APMAP: variants seen among roughly 807,000 people sequenced by gnomAD.
APMAP encodes adipocyte plasma membrane-associated protein.
APMAP carries 33 observed loss-of-function variants against 43.6 expected under a neutral mutation model. The ratio of observed to expected loss-of-function variants is 0.76; its 90% CI spans 0.57 to 1.01. The LOEUF is 1.01. Ranked by LOEUF, APMAP falls within the 50% of genes least tolerant of loss-of-function variation. The pLI, the probability that APMAP is intolerant of heterozygous loss-of-function variation, is 0.00. For synonymous variants in APMAP, 224 were observed against 216.7 expected (o/e 1.03, Z -0.30); for missense variants, 498 against 540.7 (o/e 0.92, Z 0.78).
chr20:24,969,398 C>CTTT, intron 7 of APMAP, 128 bp downstream of exon 7: 1 of 1,413,090 alleles, frequency 7.1e-7, no homozygotes, highest in South Asian at 1.4e-5. Flanking sequence ...CTTGAATTTT[C>CTTT]TTTAACATGC....
chr20:24,976,537 C>G (rs1568814720), intron 3 of APMAP, among the ~76,000 whole-genome samples: 1 of 152,180 alleles, frequency 6.6e-6, no homozygotes, highest in Non-Finnish European at 1.5e-5. Context: ...ACACTGACAC[C>G]ACCAAATGCT....
intron 7 of APMAP, 85 bp from the exon 8 acceptor site, chr20:24,969,169 G>C: frequency 1.5e-6 from 2 of 1,306,502 alleles, no homozygotes; most frequent in Non-Finnish European, 2.1e-6. Context: ...ACTGGTCTTG[G>C]TCCAAATATA....
intron 2 of APMAP, among the ~76,000 whole-genome samples, chr20:24,980,516 C>T (rs142636481): frequency 4.3e-4 from 65 of 150,390 alleles, no homozygotes; most frequent in African/African-American, 1.0e-3. Flanking sequence ...ACACGCTGGG[C>T]AGCGCGGGGC....
rs1472458591 is a variant in APMAP, at chr20:24,977,014, C to T, written c.328+1753G>A. Among the ~76,000 whole-genome samples, 9 of 152,150 alleles carry T rather than the reference C, an allele frequency of 5.9e-5. No homozygotes were observed. The East Asian group carries it at 1.7e-3, about 29-fold the overall frequency. On this transcript the variant is annotated intron_variant, in intron 3 of 8. Transcript: ENST00000217456. ...GAGATGGCAAAAAGATCAGTGGTTG[C>T]CATGGGTTAAAAGAAAAGGGTGGAA...
Position 24,981,763 on chromosome 20 carries a change from T to A in APMAP, c.212+2140A>T, listed in dbSNP as rs141265363. ...AAATCCATTCTCCAAAATGCTGCTCTATTTTTTTTTACCATAAATTTGACT... is the reference window on the plus strand; with the variant it reads ...AAATCCATTCTCCAAAATGCTGCTCAATTTTTTTTTACCATAAATTTGACT... On this transcript the variant is annotated intron_variant, in intron 2 of 8. Coordinates refer to ENST00000217456, the MANE Select transcript of APMAP (RefSeq NM_020531.3). 8.5e-5 allele frequency among the ~76,000 whole-genome samples: 13 copies of A among 152,366 alleles called. No homozygotes were observed. In the East Asian group the frequency reaches 1.2e-3, roughly 14 times the overall value.
chr20:24,974,662 T>C (rs1016293300), intron 3 of APMAP, among the ~76,000 whole-genome samples: 2 of 152,196 alleles, frequency 1.3e-5, no homozygotes, highest in Admixed American at 6.5e-5. Flanking sequence ...AAGTACATCA[T>C]GTTAACACTA....
rs111757368 is a variant in APMAP at position 24,963,847 on chromosome 20, G to A, written c.1217C>T (p.Pro406Leu). 0.012 allele frequency: 19,301 copies of A among 1,614,198 alleles called. 151 individuals are homozygous for A. Among genetic ancestry groups the A allele is most frequent in the Non-Finnish European group, 0.015 (17,514 of 1,180,040 alleles). Residue 406 changes from proline (P) to leucine (L), a missense_variant, in exon 9 of 9, where the codon CCC becomes CTC. Transcript: ENST00000217456. Reference protein sequence around the residue: ...GHLYLGSFRSPFLCRLSLQAV With the variant: ...GHLYLGSFRSLFLCRLSLQAV ...CTGGAGGCTGAGTCTGCAGAGGAAGGGGGACCTGAAAGAGCCCAGGTACAG... is the reference window on the plus strand; with the variant it reads ...CTGGAGGCTGAGTCTGCAGAGGAAGAGGGACCTGAAAGAGCCCAGGTACAG...
intron 1 of APMAP, among the ~76,000 whole-genome samples, chr20:24,985,388 C>A (rs2088138925): frequency 6.6e-6 from 1 of 152,196 alleles, no homozygotes; most frequent in African/African-American, 2.4e-5. Context: ...TTTTGGACAG[C>A]ACCTCTGCAG....
chr20:24,975,215 G>T (rs1428516142), intron 3 of APMAP, among the ~76,000 whole-genome samples: 3 of 152,168 alleles, frequency 2.0e-5, no homozygotes, highest in African/African-American at 7.2e-5. Flanking sequence ...AAGGTATACA[G>T]ATTGAGAAGA....
intron 3 of APMAP, 57 bp downstream of exon 3, chr20:24,978,710 C>A: frequency 1.0e-6 from 1 of 985,628 alleles, no homozygotes; most frequent in Non-Finnish European, 1.5e-6. Context: ...ACAGAACCCG[C>A]CCCCTCAGAC....
At chr20:24,986,176 G>T (rs1384887829) in intron 1 of APMAP, among the ~76,000 whole-genome samples, 1 of 152,304 alleles carries the variant, frequency 6.6e-6, no homozygotes, top group East Asian at 1.9e-4. Flanking sequence ...TGAGAATTCT[G>T]TGTCTATTTT....
chr20:24,986,115 C>T (rs533399467), intron 1 of APMAP, among the ~76,000 whole-genome samples: 1 of 152,346 alleles, frequency 6.6e-6, no homozygotes, highest in East Asian at 1.9e-4. Context: ...AGGACAGGCC[C>T]GAGGGCAGTG....
In APMAP at chr20:24,992,103, G is replaced by A. The variant is rs569938621; in HGVS notation, c.95+491C>T. Among the ~76,000 whole-genome samples, 3 of 152,328 alleles carry A rather than the reference G, an allele frequency of 2.0e-5. No homozygotes were observed. In the South Asian group the frequency reaches 6.2e-4, roughly 32 times the overall value. On this transcript the variant is annotated intron_variant, in intron 1 of 8. Coordinates refer to ENST00000217456, the MANE Select transcript of APMAP (RefSeq NM_020531.3). ...CAAGTGTAGAAGCCATCTCTTCGCC[G>A]GATAACGAGGCAGGACCCCAGCATC...
At chr20:24,973,788 G>A (rs1408054530) in intron 3 of APMAP, 51 bp from the exon 4 acceptor site, 3 of 1,532,310 alleles carry the variant, frequency 2.0e-6, no homozygotes, top group Middle Eastern at 1.7e-4. Flanking sequence ...TAAGAAATGT[G>A]ACTAAGCCGC....
intron 3 of APMAP, among the ~76,000 whole-genome samples, chr20:24,976,270 G>C (rs2088049613): frequency 6.6e-6 from 1 of 152,094 alleles, no homozygotes; most frequent in South Asian, 2.1e-4. Context: ...CCACAGACTG[G>C]AGAAAATATT....
chr20:24,973,700 T>C lies in APMAP; in HGVS notation c.366A>G (p.Val122=), dbSNP rs144062163. 693 of 1,614,202 alleles carry C rather than the reference T, an allele frequency of 4.3e-4. No homozygotes were observed. Among genetic ancestry groups the C allele is most frequent in the Middle Eastern group, 2.5e-3 (15 of 6,060 alleles). ...TCTCTATTTCACCATTTTCAAGTTT[T>C]ACGACCCGGCCATCTGCTGTCCCAG... ...MFTGTADGRV[V]KLENGEIETI... The change falls in exon 4 of 9, where the codon GTA becomes GTG. Residue 122 remains valine (V), a synonymous_variant. Coordinates refer to ENST00000217456, the MANE Select transcript of APMAP (RefSeq NM_020531.3).
At chr20:24,973,304 C>T (rs988802630) in intron 4 of APMAP, among the ~76,000 whole-genome samples, 3 of 152,222 alleles carry the variant, frequency 2.0e-5, no homozygotes, top group African/African-American at 4.8e-5. Flanking sequence ...ACCTACTTTT[C>T]CACAGCAGCA....
chr20:24,989,994 C>T (rs913436702), intron 1 of APMAP, among the ~76,000 whole-genome samples: 4 of 152,064 alleles, frequency 2.6e-5, no homozygotes, highest in African/African-American at 9.7e-5. Flanking sequence ...ATATTAAATC[C>T]TCAATGTATT....
intron 3 of APMAP, among the ~76,000 whole-genome samples, chr20:24,976,443 A>G (rs1319675785): frequency 6.6e-6 from 1 of 152,236 alleles, no homozygotes; most frequent in African/African-American, 2.4e-5. Flanking sequence ...ATATGAAGAT[A>G]TTCCACATCA....
Sources: gnomAD v4.1 joint callset for allele counts (sites outside exome capture counted in the v4.1 genomes callset) on GRCh38, gnomAD v4.1.1 for gene constraint, MANE v1.5 for transcripts, NCBI Gene and HGNC (gene_info 2026-07-23, HGNC 2026-07-21) for gene names.